The following ATP5PD variants were observed in gnomAD, a reference collection of about 807,000 sequenced individuals.
ATP5PD encodes the protein ATP synthase peripheral stalk subunit d, also known as ATP synthase peripheral stalk subunit d, mitochondrial.
Under a neutral mutation model 22.6 loss-of-function variants are expected in ATP5PD, and 13 were observed. The ratio of observed to expected loss-of-function variants is 0.58; its 90% CI spans 0.37 to 0.91. The LOEUF (loss-of-function observed/expected upper bound fraction) is 0.91. Among genes scored for constraint, ATP5PD ranks in the 40% least tolerant of loss-of-function variants. The pLI is 0.00. For missense variants in ATP5PD, 165 were observed against 188.0 expected (o/e 0.88, Z 0.72); for synonymous variants, 51 against 65.0 (o/e 0.79, Z 1.03).
At chr17:75,040,041 G>A (rs754101499) in intron 4 of ATP5PD, 51 bp downstream of exon 4, 1 of 1,584,380 alleles carries the variant, frequency 6.3e-7, no homozygotes, top group Non-Finnish European at 8.7e-7. Flanking sequence ...ATAATAGAGA[G>A]CTGTCAAGAT....
At chr17:75,041,328 C>A (rs147047016) in intron 3 of ATP5PD, 1 of 144,298 alleles carries the variant, frequency 6.9e-6, no homozygotes, top group African/African-American at 2.6e-5. Flanking sequence ...GCACTCCAAC[C>A]TGAGTGACAG....
At chr17:75,043,628 A>C (rs1309554070) in intron 1 of ATP5PD, among the ~76,000 whole-genome samples, 2 of 151,370 alleles carry the variant, frequency 1.3e-5, no homozygotes, top group East Asian at 3.9e-4. Flanking sequence ...AAAAAAAAAA[A>C]CAAACCCCAG....
chr17:75,039,861 T>C (rs2073140777), intron 4 of ATP5PD: 1 of 543,524 alleles, frequency 1.8e-6, no homozygotes. Flanking sequence ...CTACATTTTC[T>C]AGAGTCTTAC....
rs747232473 is a variant in ATP5PD, at chr17:75,038,987, T to A, written c.431A>T (p.Lys144Ile). 8 of 1,614,086 alleles carry A rather than the reference T, an allele frequency of 5.0e-6. 1 individual carries two copies. In the South Asian group the frequency reaches 8.8e-5, roughly 18 times the overall value. The part of the protein sequence containing the change: ...EDLNEAFPET[K>I]LDKKKYPYWP... ...ATAGGGATACTTTTTCTTGTCTAATTTGGTTTCTGGGAAAGCTTCATTCAA... is the reference window on the plus strand; with the variant it reads ...ATAGGGATACTTTTTCTTGTCTAATATGGTTTCTGGGAAAGCTTCATTCAA... Residue 144 changes from lysine (K) to isoleucine (I), a missense_variant, in exon 6 of 6, where the codon AAA (lysine) becomes ATA (isoleucine). Physicochemically the swap from Lys to Ile is moderately radical, Grantham distance 102. Transcript: ENST00000301587.
In ATP5PD at chr17:75,042,199, C is replaced by A; in HGVS notation, c.201G>T (p.Val67=). The change falls in exon 3 of 6, where the codon GTG becomes GTT. Residue 67 remains valine (V), a synonymous_variant. Coordinates refer to ENST00000301587, the MANE Select transcript of ATP5PD (RefSeq NM_006356.3). ...YKANVAKAGL[V]DDFEKKFNAL... ...GTCTCACCTTCTTCTCAAAGTCATC[C>A]ACCAAGCCAGCCTTGGCCACATTGG... 6.2e-7 allele frequency: 1 copy of A among 1,614,024 alleles called. No homozygotes were observed. The highest frequency in any genetic ancestry group is 1.7e-5 in the Admixed American group (1 of 59,992).
rs902581826 is a variant in ATP5PD at position 75,042,562 on chromosome 17, G to C, written c.89C>G (p.Ser30Cys). 4 of 1,612,544 alleles carry C rather than the reference G, an allele frequency of 2.5e-6. No homozygotes were observed. The highest frequency in any genetic ancestry group is 3.4e-6 in the Non-Finnish European group (4 of 1,179,880). The change falls in exon 2 of 6, where the codon TCC (serine) becomes TGC (cysteine). Residue 30 changes from serine to cysteine, a missense_variant. Coordinates refer to ENST00000301587, the MANE Select transcript of ATP5PD (RefSeq NM_006356.3). The stretch of plus-strand genomic sequence containing the variant: ...GAGGGTCTCATTCCAGGATTTCAGG[G>C]AACTAGCAATGGCCTTTTGGTTCTG... Reference protein sequence around the residue: ...IPQNQKAIASSLKSWNETLTS... With the variant: ...IPQNQKAIASCLKSWNETLTS...
chr17:75,043,262 G>A (rs1039895075), intron 1 of ATP5PD, among the ~76,000 whole-genome samples: 1 of 152,138 alleles, frequency 6.6e-6, no homozygotes, highest in African/African-American at 2.4e-5. Context: ...CAAATTCAAA[G>A]TGTGCAATGT....
Position 75,039,280 on chromosome 17 carries a change from A to T in ATP5PD, c.292-9T>A. The T allele has an allele frequency of 6.2e-7, 1 of 1,613,926 alleles. No homozygotes were observed. The highest frequency in any genetic ancestry group is 8.5e-7 in the Non-Finnish European group (1 of 1,179,858). On this transcript the variant is annotated splice_polypyrimidine_tract_variant and intron_variant, in intron 4 of 5. Coordinates refer to ENST00000301587, the MANE Select transcript of ATP5PD (RefSeq NM_006356.3). ...TCAGCACAAGATTTCACCTTTAAGAAGAAAGAGAAATTCAGTTCTGAAACC... is the reference window on the plus strand; with the variant it reads ...TCAGCACAAGATTTCACCTTTAAGATGAAAGAGAAATTCAGTTCTGAAACC...
At chr17:75,039,975 A>G (rs779532718) in intron 4 of ATP5PD, 117 bp downstream of exon 4, 1 of 1,069,844 alleles carries the variant, frequency 9.3e-7, no homozygotes, top group Admixed American at 2.2e-5. Flanking sequence ...TTGACAAGTC[A>G]TTCCTTTATA....
rs1288537674 is a variant in ATP5PD, at chr17:75,042,173, A to G, written c.219+8T>C. On this transcript the variant is annotated splice_region_variant and intron_variant, in intron 3 of 5. Transcript: ENST00000301587. ...CAAGCTCAGTGCTTTAGAGGTGTGAAGTCTCACCTTCTTCTCAAAGTCATC... is the reference window on the plus strand; with the variant it reads ...CAAGCTCAGTGCTTTAGAGGTGTGAGGTCTCACCTTCTTCTCAAAGTCATC... The G allele has an allele frequency of 1.2e-6, 2 of 1,611,994 alleles. No homozygotes were observed. The highest frequency in any genetic ancestry group is 3.3e-5 in the Admixed American group (2 of 59,904).
intron 1 of ATP5PD, among the ~76,000 whole-genome samples, chr17:75,044,127 C>A (rs796603439): frequency 6.6e-6 from 1 of 150,378 alleles, no homozygotes; most frequent in Non-Finnish European, 1.5e-5. Context: ...CAGGCTCAAG[C>A]GATTCTCCTG....
rs2073226930 is a variant in ATP5PD, at chr17:75,046,939, G to C, written c.-24C>G. ...GCCCCACTCACCTTCACCGACCCTG[G>C]CTGCCCACGGTCCTCCGCAGCAAGT... is the stretch of plus-strand genomic sequence containing the variant. On this transcript the variant is annotated 5_prime_UTR_variant, in exon 1 of 6. Coordinates refer to ENST00000301587, the MANE Select transcript of ATP5PD (RefSeq NM_006356.3). 1 of 161,092 alleles carries C rather than the reference G, an allele frequency of 6.2e-6. No individual in the cohort carries two copies. Among genetic ancestry groups the C allele is most frequent in the South Asian group, 2.0e-4 (1 of 4,928 alleles). 10.0% of individuals were successfully genotyped at this position (161,092 alleles called of 1,614,324 possible).
At chr17:75,041,944 C>T (rs980145449) in intron 3 of ATP5PD, 3 of 437,490 alleles carry the variant, frequency 6.9e-6, no homozygotes, top group Non-Finnish European at 8.1e-6. Context: ...AACTCCTGTG[C>T]TGATCAGAAA....
In ATP5PD at chr17:75,039,353, C is replaced by T. The variant is rs1005907784; in HGVS notation, c.292-82G>A. ...CTGCTAAGGTAGGAGTCGTCCCAGC[C>T]CACTCCTGCTGTCCTATTGCTCTAT... On this transcript the variant is annotated intron_variant, in intron 4 of 5. Transcript: ENST00000301587. The T allele has an allele frequency of 9.5e-6, 12 of 1,260,310 alleles. No homozygotes were observed. In the East Asian group the frequency reaches 2.3e-4, roughly 24 times the overall value. The allele number at this position is 1,260,310 out of a possible 1,614,324, so 78.1% of individuals were successfully genotyped here.
At chr17:75,041,905 C>T (rs28501229) in intron 3 of ATP5PD, 26,191 of 288,988 alleles carry the variant, frequency 0.091, 2,766 homozygotes, top group African/African-American at 0.32. Context: ...AGGGGTGAAC[C>T]GGCCCAGGTC....
intron 3 of ATP5PD, 63 bp from the exon 4 acceptor site, chr17:75,040,226 C>T: frequency 4.4e-6 from 7 of 1,598,650 alleles, no homozygotes; most frequent in South Asian, 1.1e-5. Flanking sequence ...GACAGTGAGT[C>T]GTCGCCAATA....
chr17:75,039,382 G>A (rs1598684858), intron 4 of ATP5PD, 111 bp from the exon 5 acceptor site: 1 of 961,976 alleles, frequency 1.0e-6, no homozygotes, highest in East Asian at 2.5e-5. Flanking sequence ...GCTCTATGGA[G>A]AAACTGTGGT....
rs2073168272 is a variant in ATP5PD at position 75,042,206 on chromosome 17, C to G, written c.194G>C (p.Gly65Ala). ...AYYKANVAKA[G>A]LVDDFEKKFN... is the part of the protein sequence containing the mutation. Reference sequence around the variant, plus strand: ...CTTCTTCTCAAAGTCATCCACCAAGCCAGCCTTGGCCACATTGGCCTTGTA... The same window carrying G: ...CTTCTTCTCAAAGTCATCCACCAAGGCAGCCTTGGCCACATTGGCCTTGTA... Residue 65 changes from glycine to alanine, a missense_variant, in exon 3 of 6, where the codon GGC (glycine) becomes GCC (alanine). Transcript: ENST00000301587. 1 of 1,614,090 alleles carries G rather than the reference C, an allele frequency of 6.2e-7. No individual in the cohort carries two copies. The highest frequency in any genetic ancestry group is 8.5e-7 in the Non-Finnish European group (1 of 1,179,946).
chr17:75,045,196 G>C (rs2073201246), intron 1 of ATP5PD, among the ~76,000 whole-genome samples: 2 of 152,154 alleles, frequency 1.3e-5, no homozygotes, highest in African/African-American at 2.4e-5. Flanking sequence ...AAAGGGGAGG[G>C]AGTATACGAA....
Sources: allele counts gnomAD v4.1 joint callset (sites outside exome capture counted in the v4.1 genomes callset), GRCh38; gene constraint gnomAD v4.1.1; transcripts MANE v1.5; gene names NCBI Gene and HGNC (gene_info 2026-07-23, HGNC 2026-07-21).